Variants in BMPR1B observed in about 807,000 individuals in gnomAD.
The protein encoded by BMPR1B is bone morphogenetic protein receptor type 1B, also known as bone morphogenetic protein receptor type-1B.
In BMPR1B, 12 loss-of-function variants were observed where a neutral mutation model predicts 59.1. The observed-to-expected ratio is 0.20, with a 90% CI of 0.13 to 0.33. The LOEUF (loss-of-function observed/expected upper bound fraction) is 0.33. Ranked by LOEUF, BMPR1B falls within the 10% of genes least tolerant of loss-of-function variation. The pLI is 1.00. For synonymous variants in BMPR1B, 237 were observed against 207.3 expected (o/e 1.14, Z -1.23); for missense variants, 550 against 610.9 (o/e 0.90, Z 1.05).
intron 3 of BMPR1B, among the ~76,000 whole-genome samples, chr4:95,030,606 T>C (rs1340532742): frequency 6.6e-6 from 1 of 152,168 alleles, no homozygotes; most frequent in East Asian, 1.9e-4. Context: ...GACATGATTG[T>C]ATATCTAGAA....
chr4:94,933,667 A>G (rs577976872), intron 2 of BMPR1B, among the ~76,000 whole-genome samples: 10 of 152,162 alleles, frequency 6.6e-5, no homozygotes, highest in Non-Finnish European at 1.2e-4. Flanking sequence ...TGGTTGACCA[A>G]TATGTAACAG....
At chr4:95,073,073 T>C (rs1470253721) in intron 3 of BMPR1B, among the ~76,000 whole-genome samples, 2 of 152,184 alleles carry the variant, frequency 1.3e-5, no homozygotes, top group Non-Finnish European at 2.9e-5. Flanking sequence ...TTATGCTTCT[T>C]GGCTGGGGAA....
intron 1 of BMPR1B, among the ~76,000 whole-genome samples, chr4:94,871,663 A>G (rs1199868296): frequency 6.6e-6 from 1 of 152,226 alleles, no homozygotes; most frequent in Non-Finnish European, 1.5e-5. Flanking sequence ...AGAGAATAAG[A>G]TCTTCAATAT....
intron 2 of BMPR1B, among the ~76,000 whole-genome samples, chr4:94,891,195 A>C (rs1245522919): frequency 6.6e-6 from 1 of 152,056 alleles, no homozygotes; most frequent in African/African-American, 2.4e-5. Flanking sequence ...TTGTTTGGTA[A>C]CTTAAACACT....
At chr4:94,848,174 G>A (rs963823881) in intron 1 of BMPR1B, among the ~76,000 whole-genome samples, 3 of 126,896 alleles carry the variant, frequency 2.4e-5, no homozygotes, top group African/African-American at 1.0e-4. Context: ...ATAATCTTAG[G>A]ATTTTATTAG....
chr4:94,966,361 A>G (rs1424303377), intron 2 of BMPR1B, among the ~76,000 whole-genome samples: 4 of 152,182 alleles, frequency 2.6e-5, no homozygotes, highest in African/African-American at 9.6e-5. Flanking sequence ...AAAAATTATC[A>G]GAAGAATAAA....
At chr4:95,026,114 C>CTTTCTTTCTTTCTTTT (rs1560602920) in intron 3 of BMPR1B, among the ~76,000 whole-genome samples, 11 of 142,624 alleles carry the variant, frequency 7.7e-5, no homozygotes, top group Non-Finnish European at 1.4e-4. Flanking sequence ...TTCTTTCTTT[C>CTTTCTTTCTTTCTTTT]TTTCTTTCTT....
At chr4:94,786,981 A>G (rs763853151) in intron 1 of BMPR1B, among the ~76,000 whole-genome samples, 1 of 152,148 alleles carries the variant, frequency 6.6e-6, no homozygotes, top group Non-Finnish European at 1.5e-5. Context: ...GAGCCACTGC[A>G]TCTGGCCGTA....
chr4:94,983,591 T>C (rs1227388607), intron 2 of BMPR1B, among the ~76,000 whole-genome samples: 1 of 152,150 alleles, frequency 6.6e-6, no homozygotes, highest in Non-Finnish European at 1.5e-5. Flanking sequence ...TATGGAAAAT[T>C]TAAGGGCAGT....
intron 1 of BMPR1B, among the ~76,000 whole-genome samples, chr4:94,826,455 C>G (rs1231214255): frequency 1.3e-5 from 2 of 152,168 alleles, no homozygotes; most frequent in Non-Finnish European, 2.9e-5. Context: ...TGCTTTTCTG[C>G]TGTGTCCCTG....
rs1723004388 is a variant in BMPR1B, at chr4:95,008,469, C to A, written c.-18+12335C>A. 7.2e-5 allele frequency among the ~76,000 whole-genome samples: 11 copies of A among 152,170 alleles called. No individual in the cohort carries two copies. The South Asian group carries it at 2.3e-3, about 32-fold the overall frequency. On this transcript the variant is annotated intron_variant, in intron 3 of 12. Transcript: ENST00000515059. ...AGCTGCCACTACTACAGGGGGTTAT[C>A]CACATGGAAAGTGCAGATTGTTACT... is the stretch of plus-strand genomic sequence containing the variant.
chr4:94,875,959 T>C, intron 2 of BMPR1B, 59 bp downstream of exon 2: 1 of 152,626 alleles, frequency 6.6e-6, no homozygotes, highest in East Asian at 1.9e-4. Context: ...GTTACTGCTT[T>C]TTGACACTCC....
chr4:94,761,799 A>G (rs1721783948), intron 1 of BMPR1B, among the ~76,000 whole-genome samples: 1 of 152,178 alleles, frequency 6.6e-6, no homozygotes, highest in Admixed American at 6.5e-5. Context: ...GATACTATTA[A>G]TAATTTCAGG....
At chr4:95,102,352 T>C (rs2149263146) in intron 3 of BMPR1B, among the ~76,000 whole-genome samples, 1 of 152,250 alleles carries the variant, frequency 6.6e-6, no homozygotes, top group East Asian at 1.9e-4. Flanking sequence ...TCTGTGTGTG[T>C]TTAATTCATC....
intron 2 of BMPR1B, among the ~76,000 whole-genome samples, chr4:94,980,220 G>A (rs535504358): frequency 2.0e-5 from 3 of 152,306 alleles, no homozygotes; most frequent in South Asian, 2.1e-4. Context: ...TCACAAAATT[G>A]AAGGCAGTGT....
In BMPR1B at chr4:94,990,346, C is replaced by T. The variant is rs952132694; in HGVS notation, c.-112-5694C>T. On this transcript the variant is annotated intron_variant, in intron 2 of 12. Transcript: ENST00000515059. ...CTCCAGCCTGGGCAACAGAATGAGA[C>T]TCTGTCCGTCTCAAAAAAGAAAAAG... Among the ~76,000 whole-genome samples the T allele has an allele frequency of 5.9e-5, 9 of 152,194 alleles. No homozygotes were observed. The South Asian group carries it at 1.9e-3, about 32-fold the overall frequency.
At chr4:94,776,436 T>C (rs1722372488) in intron 1 of BMPR1B, among the ~76,000 whole-genome samples, 2 of 152,222 alleles carry the variant, frequency 1.3e-5, no homozygotes, top group African/African-American at 4.8e-5. Context: ...GAAGTGAAGA[T>C]TAATTCTAAG....
intron 1 of BMPR1B, among the ~76,000 whole-genome samples, chr4:94,800,794 C>T (rs748542085): frequency 1.3e-5 from 2 of 152,144 alleles, no homozygotes; most frequent in Non-Finnish European, 2.9e-5. Flanking sequence ...TATTATTACT[C>T]ATGATTTTTG....
chr4:95,100,417 G>A (rs944465792), intron 3 of BMPR1B, among the ~76,000 whole-genome samples: 4 of 152,064 alleles, frequency 2.6e-5, no homozygotes, highest in South Asian at 2.1e-4. Context: ...TCTCAACAAA[G>A]TTCAATGCCA....
Sources: gnomAD v4.1 joint callset for allele counts (sites outside exome capture counted in the v4.1 genomes callset) on GRCh38, gnomAD v4.1.1 for gene constraint, MANE v1.5 for transcripts, NCBI Gene and HGNC (gene_info 2026-07-23, HGNC 2026-07-21) for gene names.